The following SEMA4D variants were observed in gnomAD, a reference collection of about 807,000 sequenced individuals.
The protein encoded by SEMA4D is semaphorin-4D.
A neutral mutation model predicts 74.8 loss-of-function variants in SEMA4D; 22 were observed. That is an observed-to-expected ratio of 0.29 (90% CI 0.21 to 0.42). The LOEUF (loss-of-function observed/expected upper bound fraction) is 0.42, where lower values mean the gene tolerates loss of function less well. Among genes scored for constraint, SEMA4D ranks in the 10% least tolerant of loss-of-function variants. The probability of loss-of-function intolerance (pLI) is 1.00; values close to 1 mark genes in which losing one functional copy is unlikely to be tolerated. For missense variants in SEMA4D, 937 were observed against 1,118.4 expected, an observed-to-expected ratio of 0.84 and a Z score of 2.31; for synonymous variants, 445 against 463.7, an observed-to-expected ratio of 0.96 and a Z score of 0.52.
intron 2 of SEMA4D, among the ~76,000 whole-genome samples, chr9:89,453,310 G>A (rs952611708): frequency 2.6e-5 from 4 of 152,224 alleles, no homozygotes; most frequent in Admixed American, 6.5e-5. Flanking sequence ...AAACTCAAAG[G>A]AATTCACTTT....
At chr9:89,415,140 C>T (rs1342207976) in intron 2 of SEMA4D, among the ~76,000 whole-genome samples, 1 of 152,224 alleles carries the variant, frequency 6.6e-6, no homozygotes, top group African/African-American at 2.4e-5. Flanking sequence ...TGTGACATCA[C>T]TCTACTCTTC....
intron 13 of SEMA4D, among the ~76,000 whole-genome samples, chr9:89,382,985 C>T (rs374234920): frequency 5.3e-5 from 8 of 151,890 alleles, no homozygotes; most frequent in Admixed American, 1.3e-4. Flanking sequence ...CCGCTTCTCC[C>T]GGATGGGGCT....
At chr9:89,438,645 A>G (rs1850982916) in intron 2 of SEMA4D, among the ~76,000 whole-genome samples, 1 of 152,202 alleles carries the variant, frequency 6.6e-6, no homozygotes. Flanking sequence ...TTTGACTAGA[A>G]TCAAATACAA....
chr9:89,387,131 G>A lies in SEMA4D; in HGVS notation c.1330+255C>T, dbSNP rs562864666. The A allele has an allele frequency of 6.7e-6, 3 of 445,162 alleles. No homozygotes were observed. In the Admixed American group the frequency reaches 1.2e-4, roughly 18 times the overall value. The allele number at this position is 445,162 out of a possible 1,614,324, so 27.6% of individuals were successfully genotyped here. On this transcript the variant is annotated intron_variant, in intron 12 of 15. Coordinates refer to ENST00000422704, the MANE Select transcript of SEMA4D (RefSeq NM_001371194.2). Reference sequence around the variant, plus strand: ...CGGCGGCCAGTACTCCTCTGCCCCAGCCCAGCCCAGCCACAGGCCAGGACT... The same window carrying A: ...CGGCGGCCAGTACTCCTCTGCCCCAACCCAGCCCAGCCACAGGCCAGGACT...
At chr9:89,460,449 TTAC>T (rs1275531616) in intron 1 of SEMA4D, among the ~76,000 whole-genome samples, 2 of 152,258 alleles carry the variant, frequency 1.3e-5, no homozygotes, top group African/African-American at 2.4e-5. Context: ...AAGCCTCTTC[TTAC>T]TAAGTCTGGA....
chr9:89,413,375 A>T (rs1272272724), intron 2 of SEMA4D, among the ~76,000 whole-genome samples: 1 of 152,252 alleles, frequency 6.6e-6, no homozygotes, highest in African/African-American at 2.4e-5. Context: ...AGATCACAGC[A>T]GAGAAAATGG....
chr9:89,397,828 C>G (rs779368070), intron 5 of SEMA4D, among the ~76,000 whole-genome samples: 35 of 152,152 alleles, frequency 2.3e-4, no homozygotes, highest in Non-Finnish European at 5.0e-4. Flanking sequence ...CTCAGCTTGT[C>G]TTGACCACCA....
At chr9:89,459,851 G>C (rs1856818230) in intron 1 of SEMA4D, among the ~76,000 whole-genome samples, 1 of 152,184 alleles carries the variant, frequency 6.6e-6, no homozygotes, top group African/African-American at 2.4e-5. Context: ...GGGAGCCCAG[G>C]CCAGCATTCA....
intron 2 of SEMA4D, among the ~76,000 whole-genome samples, chr9:89,414,282 G>C (rs1012798115): frequency 6.6e-6 from 1 of 152,188 alleles, no homozygotes; most frequent in Non-Finnish European, 1.5e-5. Context: ...CTGGACCCCT[G>C]ACCTCACTGC....
At chr9:89,441,303 G>A (rs1851618604) in intron 2 of SEMA4D, among the ~76,000 whole-genome samples, 1 of 152,268 alleles carries the variant, frequency 6.6e-6, no homozygotes. Flanking sequence ...CCAGCAGCGG[G>A]CAATTTCCAC....
chr9:89,436,344 A>ACC (rs1003117768), intron 2 of SEMA4D: 9 of 152,334 alleles, frequency 5.9e-5, no homozygotes, highest in African/African-American at 2.2e-4. Context: ...CATGCTCCTG[A>ACC]CCCCACGCTG....
downstream of SEMA4D, chr9:89,376,824 C>T: frequency 6.5e-7 from 1 of 1,544,714 alleles, no homozygotes; most frequent in Non-Finnish European, 8.8e-7. Context: ...CAGAGAGGGC[C>T]CAACTCACCT....
chr9:89,423,164 A>G (rs1847321273), intron 2 of SEMA4D, among the ~76,000 whole-genome samples: 1 of 151,948 alleles, frequency 6.6e-6, no homozygotes. Context: ...TTTGCTATAA[A>G]ATACAAGTCA....
At chr9:89,460,893 G>A (rs917190726) in intron 1 of SEMA4D, among the ~76,000 whole-genome samples, 1 of 152,200 alleles carries the variant, frequency 6.6e-6, no homozygotes, top group East Asian at 1.9e-4. Flanking sequence ...AGCCTCATAT[G>A]TGGCCACCAC....
chr9:89,439,060 C>A (rs973926040), intron 2 of SEMA4D, among the ~76,000 whole-genome samples: 1 of 142,018 alleles, frequency 7.0e-6, no homozygotes, highest in Admixed American at 7.5e-5. Flanking sequence ...CCGCTCACTG[C>A]AACCTCTGCC....
rs1285771572 is a variant in SEMA4D, at chr9:89,449,602, C to A, written c.-244+6286G>T. 8.2e-6 allele frequency: 8 copies of A among 979,658 alleles called. No homozygotes were observed. The African/African-American group carries it at 1.3e-4, about 16-fold the overall frequency. 60.7% of individuals were successfully genotyped at this position (979,658 alleles called of 1,614,324 possible). On this transcript the variant is annotated intron_variant, in intron 2 of 15. Transcript: ENST00000422704. ...AGCAGGAGCAAACTATCGCCGAGGACCTGGTCGTGACCAACTATAAGATGG... is the reference window on the plus strand; with the variant it reads ...AGCAGGAGCAAACTATCGCCGAGGAACTGGTCGTGACCAACTATAAGATGG...
At chr9:89,367,366 T>G (rs2132329978) in intron 16 of SEMA4D, 1 of 152,370 alleles carries the variant, frequency 6.6e-6, no homozygotes, top group Admixed American at 6.5e-5. Context: ...ACCACTGTTT[T>G]CTTGCTTGGG....
intron 2 of SEMA4D, among the ~76,000 whole-genome samples, chr9:89,419,544 T>C (rs959185088): frequency 1.3e-5 from 2 of 152,152 alleles, no homozygotes; most frequent in East Asian, 3.9e-4. Context: ...CAAAAAACAG[T>C]TGAAGGCAAC....
intron 2 of SEMA4D, among the ~76,000 whole-genome samples, chr9:89,410,619 C>T (rs886251399): frequency 2.0e-5 from 3 of 152,122 alleles, no homozygotes; most frequent in Admixed American, 1.3e-4. Context: ...AGGAGTCCCA[C>T]ATGAACTGGC....
Sources: allele counts gnomAD v4.1 joint callset (sites outside exome capture counted in the v4.1 genomes callset), GRCh38; gene constraint gnomAD v4.1.1; transcripts MANE v1.5; gene names NCBI Gene and HGNC (gene_info 2026-07-23, HGNC 2026-07-21).